The following CADPS2 variants were observed in gnomAD, a reference collection of about 807,000 sequenced individuals.
CADPS2 encodes the protein calcium-dependent secretion activator 2.
CADPS2 carries 93 observed loss-of-function variants against 172.5 expected under a neutral mutation model. That is an observed-to-expected ratio of 0.54 (90% CI 0.46 to 0.64). CADPS2 has a LOEUF of 0.64. Ranked by LOEUF, CADPS2 falls within the 30% of genes least tolerant of loss-of-function variation. CADPS2 has a pLI of 0.00. For synonymous variants in CADPS2, 546 were observed against 555.2 expected (o/e 0.98, Z 0.23); for missense variants, 1,420 against 1,565.9 (o/e 0.91, Z 1.57).
chr7:122,362,386 T>G (rs1262127858), intron 25 of CADPS2, among the ~76,000 whole-genome samples: 1 of 152,210 alleles, frequency 6.6e-6, no homozygotes, highest in East Asian at 1.9e-4. Flanking sequence ...ACCACCTTAC[T>G]TCTCAGGCTT....
chr7:122,369,142 CTT>C (rs774649759), intron 25 of CADPS2, among the ~76,000 whole-genome samples: 1 of 31,210 alleles, frequency 3.2e-5, no homozygotes, highest in Non-Finnish European at 5.3e-5. Context: ...CCCCCCCCCC[CTT>C]TTTTTTTTTT....
At chr7:122,636,461 TG>T (rs1214934296) in intron 3 of CADPS2, among the ~76,000 whole-genome samples, 29 of 95,742 alleles carry the variant, frequency 3.0e-4, no homozygotes, top group African/African-American at 1.0e-3. Context: ...CCACAAGAGA[TG>T]TTTTTTTTTT....
chr7:122,399,184 C>T (rs554427928), intron 20 of CADPS2, among the ~76,000 whole-genome samples: 2 of 152,106 alleles, frequency 1.3e-5, no homozygotes, highest in East Asian at 1.9e-4. Context: ...GGCAACACAT[C>T]CAAATTTAAA....
intron 1 of CADPS2, among the ~76,000 whole-genome samples, chr7:122,791,953 A>T (rs902683388): frequency 2.6e-5 from 4 of 152,194 alleles, no homozygotes; most frequent in African/African-American, 9.7e-5. Flanking sequence ...GTCCTAAGGG[A>T]ACCAAGTTAA....
In CADPS2 at chr7:122,345,710, AAAT is replaced by A; in HGVS notation, c.3505-32_3505-30del. The A allele has an allele frequency of 3.0e-6, 4 of 1,319,626 alleles. No individual in the cohort carries two copies. In the South Asian group the frequency reaches 4.9e-5, roughly 16 times the overall value. 81.7% of individuals were successfully genotyped at this position (1,319,626 alleles called of 1,614,324 possible). On this transcript the variant is annotated intron_variant, in intron 27 of 29. Coordinates refer to ENST00000449022, the MANE Select transcript of CADPS2 (RefSeq NM_017954.11). ...TTGTGAAGGAAAAGCAGGGGGAACA[AAAT>A]AATATCAGGTCTCAATTGTGAAATT...
intron 2 of CADPS2, among the ~76,000 whole-genome samples, chr7:122,690,697 T>C (rs550143747): frequency 2.2e-4 from 33 of 152,198 alleles, no homozygotes; most frequent in African/African-American, 7.2e-4. Context: ...GGTAATTCTA[T>C]AACTTTCACA....
At chr7:122,722,134 C>T (rs201401442) in intron 2 of CADPS2, among the ~76,000 whole-genome samples, 1 of 150,654 alleles carries the variant, frequency 6.6e-6, no homozygotes, top group African/African-American at 2.4e-5. Flanking sequence ...ACTGGCACAA[C>T]ACAGGGATGC....
intron 6 of CADPS2, among the ~76,000 whole-genome samples, chr7:122,583,260 A>C (rs1563772027): frequency 6.6e-6 from 1 of 152,044 alleles, no homozygotes; most frequent in African/African-American, 2.4e-5. Flanking sequence ...AGTGTCCATA[A>C]AATGAGATTC....
At chr7:122,854,993 T>C (rs980685899) in intron 1 of CADPS2, among the ~76,000 whole-genome samples, 14 of 152,216 alleles carry the variant, frequency 9.2e-5, no homozygotes, top group Non-Finnish European at 1.8e-4. Flanking sequence ...CATACAAATA[T>C]AACCCATAAA....
intron 6 of CADPS2, among the ~76,000 whole-genome samples, chr7:122,593,725 GA>G (rs562427338): frequency 1.3e-5 from 2 of 150,638 alleles, no homozygotes; most frequent in South Asian, 2.1e-4. Context: ...CAGACAATAT[GA>G]AAAAAAAGAG....
At chr7:122,480,774 G>T in intron 12 of CADPS2, 78 bp downstream of exon 12, 4 of 991,324 alleles carry the variant, frequency 4.0e-6, no homozygotes, top group Non-Finnish European at 5.9e-6. Context: ...CTGTAAACAA[G>T]ATCATGATAT....
At chr7:122,831,148 T>A (rs1806419147) in intron 1 of CADPS2, among the ~76,000 whole-genome samples, 1 of 152,176 alleles carries the variant, frequency 6.6e-6, no homozygotes, top group Non-Finnish European at 1.5e-5. Flanking sequence ...TCCTTTTCCT[T>A]CTTTCTCTTG....
chr7:122,878,050 G>A (rs1276602434), intron 1 of CADPS2, among the ~76,000 whole-genome samples: 1 of 149,906 alleles, frequency 6.7e-6, no homozygotes, highest in Non-Finnish European at 1.5e-5. Context: ...GAGGTCAAGA[G>A]ATCAAGACCA....
At chr7:122,777,156 A>G (rs1262802783) in intron 1 of CADPS2, among the ~76,000 whole-genome samples, 1 of 152,176 alleles carries the variant, frequency 6.6e-6, no homozygotes. Flanking sequence ...GTCTAAAAAA[A>G]TAATAATAAT....
intron 9 of CADPS2, among the ~76,000 whole-genome samples, chr7:122,494,067 T>G (rs2058536386): frequency 6.6e-6 from 1 of 152,150 alleles, no homozygotes; most frequent in African/African-American, 2.4e-5. Flanking sequence ...CAGTTGACTT[T>G]AAGTAAAGGA....
Position 122,886,075 on chromosome 7 carries a change from T to G in CADPS2, c.263A>C (p.Tyr88Ser), listed in dbSNP as rs765341998. 10 of 1,598,100 alleles carry G rather than the reference T, an allele frequency of 6.3e-6. No individual in the cohort carries two copies. The highest frequency in any genetic ancestry group is 1.3e-5 in the African/African-American group (1 of 74,796). ...EQERRIRLQL[Y>S]VFVVRCIAYP... The stretch of plus-strand genomic sequence containing the variant: ...CGCGATGCACCTCACGACGAAGACG[T>G]AGAGCTGCAGGCGGATCCTCCGCTC... Residue 88 changes from tyrosine to serine, a missense_variant, in exon 1 of 30, where the codon TAC (tyrosine) becomes TCC (serine). Coordinates refer to ENST00000449022, the MANE Select transcript of CADPS2 (RefSeq NM_017954.11).
At chr7:122,653,734 GTTA>G (rs2079432897) in intron 3 of CADPS2, among the ~76,000 whole-genome samples, 1 of 151,880 alleles carries the variant, frequency 6.6e-6, no homozygotes, top group African/African-American at 2.4e-5. Context: ...CTCTTTCATT[GTTA>G]TTATATCTGT....
chr7:122,597,803 T>A (rs998987682), intron 6 of CADPS2, among the ~76,000 whole-genome samples: 12 of 152,084 alleles, frequency 7.9e-5, no homozygotes, highest in African/African-American at 2.4e-4. Context: ...GAATAAAAAA[T>A]GTAACTGTGG....
At chr7:122,582,946 T>G (rs1217901962) in intron 6 of CADPS2, among the ~76,000 whole-genome samples, 1 of 152,066 alleles carries the variant, frequency 6.6e-6, no homozygotes, top group Admixed American at 6.6e-5. Flanking sequence ...TACATGTTCA[T>G]TTTTAATTCC....
Sources: allele counts gnomAD v4.1 joint callset (sites outside exome capture counted in the v4.1 genomes callset), GRCh38; gene constraint gnomAD v4.1.1; transcripts MANE v1.5; gene names NCBI Gene and HGNC (gene_info 2026-07-23, HGNC 2026-07-21).